Variants in BICC1 observed in about 807,000 individuals in gnomAD.
The protein encoded by BICC1 is protein bicaudal C homolog 1.
Under a neutral mutation model 111.0 loss-of-function variants are expected in BICC1, and 43 were observed. That is an observed-to-expected ratio of 0.39 (90% confidence interval 0.30 to 0.50). BICC1 has a LOEUF of 0.50. Among genes scored for constraint, BICC1 ranks in the 20% least tolerant of loss-of-function variants. BICC1 has a pLI of 0.88. For synonymous variants in BICC1, 467 were observed against 434.4 expected, an observed-to-expected ratio of 1.07 and a Z score of -0.93; for missense variants, 1,091 against 1,203.2, an observed-to-expected ratio of 0.91 and a Z score of 1.38.
intron 2 of BICC1, among the ~76,000 whole-genome samples, chr10:58,637,086 T>A (rs1837974793): frequency 6.6e-6 from 1 of 152,176 alleles, no homozygotes; most frequent in South Asian, 2.1e-4. Context: ...TAACTTTTAT[T>A]TGGGGATACT....
intron 2 of BICC1, among the ~76,000 whole-genome samples, chr10:58,689,333 G>T (rs1055651655): frequency 2.6e-5 from 4 of 152,194 alleles, no homozygotes; most frequent in African/African-American, 7.2e-5. Flanking sequence ...CTTCTCCCTT[G>T]TCTGTGGCCC....
At chr10:58,539,131 CA>C (rs753593749) in intron 1 of BICC1, among the ~76,000 whole-genome samples, 4 of 151,728 alleles carry the variant, frequency 2.6e-5, no homozygotes, top group Non-Finnish European at 5.9e-5. Flanking sequence ...GATACGGAAT[CA>C]ACCTAAATAC....
intron 9 of BICC1, among the ~76,000 whole-genome samples, chr10:58,795,798 A>G (rs1843334194): frequency 6.6e-6 from 1 of 152,202 alleles, no homozygotes; most frequent in African/African-American, 2.4e-5. Flanking sequence ...CCAATGAGGG[A>G]TAGTCATACC....
intron 2 of BICC1, among the ~76,000 whole-genome samples, chr10:58,625,366 A>G (rs776724634): frequency 3.3e-5 from 5 of 152,216 alleles, no homozygotes; most frequent in Non-Finnish European, 5.9e-5. Context: ...TGTATTACAC[A>G]TGTGACTCAT....
chr10:58,667,305 A>ACT (rs3076199), intron 2 of BICC1, among the ~76,000 whole-genome samples: 151,746 of 152,148 alleles, frequency 1, 75,674 homozygotes, highest in Middle Eastern at 1. Context: ...TCTTTACCAA[A>ACT]CTATGAGAAC....
chr10:58,667,359 A>T (rs1239737234), intron 2 of BICC1, among the ~76,000 whole-genome samples: 1 of 152,120 alleles, frequency 6.6e-6, no homozygotes, highest in Non-Finnish European at 1.5e-5. Flanking sequence ...TATTTGAGGG[A>T]ATTTTATGAA....
intron 1 of BICC1, among the ~76,000 whole-genome samples, chr10:58,573,140 C>T (rs1397150189): frequency 6.6e-6 from 1 of 152,148 alleles, no homozygotes; most frequent in Non-Finnish European, 1.5e-5. Context: ...TCTGCCTCTA[C>T]TTTCTCTTCC....
chr10:58,825,556 G>C (rs1589178130), intron 20 of BICC1, among the ~76,000 whole-genome samples: 1 of 152,152 alleles, frequency 6.6e-6, no homozygotes. Flanking sequence ...ACTGGCAGCA[G>C]AGAGAAATGT....
At chr10:58,704,445 G>T (rs1156350161) in intron 3 of BICC1, among the ~76,000 whole-genome samples, 2 of 152,130 alleles carry the variant, frequency 1.3e-5, no homozygotes, top group African/African-American at 4.8e-5. Flanking sequence ...AACATCCCTG[G>T]TATGTGTATA....
intron 1 of BICC1, among the ~76,000 whole-genome samples, chr10:58,541,067 G>A (rs1842964805): frequency 6.6e-6 from 1 of 151,814 alleles, no homozygotes; most frequent in Admixed American, 6.6e-5. Flanking sequence ...TGAAATAAAG[G>A]GCCATGTGTG....
At chr10:58,638,502 A>T (rs545948313) in intron 2 of BICC1, among the ~76,000 whole-genome samples, 1 of 152,054 alleles carries the variant, frequency 6.6e-6, no homozygotes, top group African/African-American at 2.4e-5. Flanking sequence ...CCTTTCCCCA[A>T]CGCCTCTCCC....
chr10:58,620,757 C>A, intron 1 of BICC1, 98 bp from the exon 2 acceptor site: 2 of 1,107,590 alleles, frequency 1.8e-6, no homozygotes, highest in Non-Finnish European at 2.7e-6. Context: ...GCAAGGCTGG[C>A]ATCTTGTTTG....
chr10:58,530,781 T>C (rs1000702495), intron 1 of BICC1, among the ~76,000 whole-genome samples: 2 of 151,758 alleles, frequency 1.3e-5, no homozygotes, highest in African/African-American at 4.8e-5. Flanking sequence ...ACTTCCTTAC[T>C]GTAAATTCTT....
At chr10:58,622,378 G>A (rs778283938) in intron 2 of BICC1, among the ~76,000 whole-genome samples, 3 of 152,168 alleles carry the variant, frequency 2.0e-5, no homozygotes, top group Non-Finnish European at 4.4e-5. Context: ...AAAATATGGT[G>A]TATATGATCA....
At chr10:58,810,236 G>C (rs1258393348) in intron 17 of BICC1, among the ~76,000 whole-genome samples, 2 of 152,148 alleles carry the variant, frequency 1.3e-5, no homozygotes, top group East Asian at 1.9e-4. Context: ...AATGTGCAGG[G>C]CCCCTGACAC....
intron 1 of BICC1, among the ~76,000 whole-genome samples, chr10:58,615,412 A>G (rs12768914): frequency 0.12 from 18,032 of 152,108 alleles, 1,182 homozygotes; most frequent in Middle Eastern, 0.17. Context: ...GCAGGCTCCC[A>G]ACTCCACTCA....
chr10:58,793,744 C>A, intron 9 of BICC1, 129 bp downstream of exon 9: 1 of 977,872 alleles, frequency 1.0e-6, no homozygotes, highest in Non-Finnish European at 1.5e-6. Flanking sequence ...ATCCCCAATC[C>A]GGAATGCTCC....
Position 58,520,274 on chromosome 10 carries a change from A to G in BICC1, c.190+6941A>G, listed in dbSNP as rs75998048. Among the ~76,000 whole-genome samples, 843 of 152,296 alleles carry G rather than the reference A, an allele frequency of 5.5e-3. 4 individuals are homozygous for G. Among genetic ancestry groups the G allele is most frequent in the African/African-American group, 0.019 (797 of 41,588 alleles). ...AATAAACTACCAGGAATGAGGCGCA[A>G]TTTTATTGCTAATTTATAGTGGTTT... On this transcript the variant is annotated intron_variant, in intron 1 of 20. Coordinates refer to ENST00000373886, the MANE Select transcript of BICC1 (RefSeq NM_001080512.3).
rs541868464 is a variant in BICC1 at position 58,804,494 on chromosome 10, GGA to G, written c.2181+1260_2181+1261del. On this transcript the variant is annotated intron_variant, in intron 15 of 20. Coordinates refer to ENST00000373886, the MANE Select transcript of BICC1 (RefSeq NM_001080512.3). Reference sequence around the variant, plus strand: ...GATTGCACCACTGCACTCTAGCCTGGGAGAGAGAGCGAGACCCTGTCTCAAAA... The same window carrying G: ...GATTGCACCACTGCACTCTAGCCTGGGAGAGAGCGAGACCCTGTCTCAAAA... 1.5e-4 allele frequency among the ~76,000 whole-genome samples: 23 copies of G among 152,068 alleles called. No individual in the cohort carries two copies. The East Asian group carries it at 3.3e-3, about 22-fold the overall frequency.
Sources: allele counts gnomAD v4.1 joint callset (sites outside exome capture counted in the v4.1 genomes callset), GRCh38; gene constraint gnomAD v4.1.1; transcripts MANE v1.5; gene names NCBI Gene and HGNC (gene_info 2026-07-23, HGNC 2026-07-21).